Variants in GNB5 observed in about 807,000 individuals in gnomAD.
The protein encoded by GNB5 is guanine nucleotide-binding protein subunit beta-5.
In GNB5, 37 loss-of-function variants were observed where a neutral mutation model predicts 55.3. The ratio of observed to expected loss-of-function variants is 0.67; its 90% CI spans 0.51 to 0.88. The LOEUF is 0.88. Among genes scored for constraint, GNB5 ranks in the 40% least tolerant of loss-of-function variants. The pLI is 0.00. For synonymous variants in GNB5, 219 were observed against 198.5 expected, an observed-to-expected ratio of 1.10 and a Z score of -0.87; for missense variants, 476 against 515.3, an observed-to-expected ratio of 0.92 and a Z score of 0.74.
At chr15:52,147,581 T>TA in intron 5 of GNB5, 46 bp from the exon 6 acceptor site, 1 of 1,009,380 alleles carries the variant, frequency 9.9e-7, no homozygotes, top group Non-Finnish European at 1.5e-6. Flanking sequence ...CACACAAAAA[T>TA]CTTTTTTTTT....
At chr15:52,148,676 G>A (rs144500000) in intron 5 of GNB5, among the ~76,000 whole-genome samples, 2 of 152,326 alleles carry the variant, frequency 1.3e-5, no homozygotes, top group East Asian at 3.9e-4. Context: ...ACATTCAAGT[G>A]CTGGTCTTCT....
Position 52,117,102 on chromosome 15 carries a change from A to ATATATATTTTTTT in GNB5, c.*5654_*5655insAAAAAAATATATA. The ATATATATTTTTTT allele has an allele frequency of 3.8e-3, 335 of 87,092 alleles. 36 individuals carry two copies. Among genetic ancestry groups the ATATATATTTTTTT allele is most frequent in the African/African-American group, 0.02 (327 of 16,438 alleles). 5.4% of individuals were successfully genotyped at this position (87,092 alleles called of 1,614,324 possible). A position where few individuals can be genotyped will look rare whatever the true frequency, so the allele number is the denominator to read the frequency against. ...CCACGCCCAGCTAATATATATATAT[A>ATATATATTTTTTT]TTTTTTTTTAGTACAGACAGGGTTT... On this transcript the variant is annotated 3_prime_UTR_variant, in exon 13 of 13. Transcript: ENST00000261837.
intron 7 of GNB5, chr15:52,137,992 A>G (rs1204398962): frequency 7.8e-7 from 1 of 1,278,924 alleles, no homozygotes; most frequent in Non-Finnish European, 1.0e-6. Flanking sequence ...CTAGCATGCA[A>G]TGCAACCACT....
rs1407192037 is a variant in GNB5 at position 52,159,968 on chromosome 15, G to C, written c.239-5892C>G. Among the ~76,000 whole-genome samples the C allele has an allele frequency of 2.0e-5, 3 of 149,660 alleles. No homozygotes were observed. In the South Asian group the frequency reaches 6.3e-4, roughly 31 times the overall value. On this transcript the variant is annotated intron_variant, in intron 3 of 12. Transcript: ENST00000261837. ...ATTAGCTTCTTTTTTTTTTTTTTGA[G>C]ATGGAGTCTCACTCTGTTGCCTAGG...
chr15:52,141,976 T>C (rs1185088636), intron 6 of GNB5, among the ~76,000 whole-genome samples: 1 of 152,254 alleles, frequency 6.6e-6, no homozygotes, highest in African/African-American at 2.4e-5. Flanking sequence ...AGACACTACC[T>C]ACTGTTTGTT....
At chr15:52,153,132 A>G (rs2034135610) in intron 4 of GNB5, among the ~76,000 whole-genome samples, 2 of 152,206 alleles carry the variant, frequency 1.3e-5, no homozygotes, top group African/African-American at 4.8e-5. Flanking sequence ...AACAGGAGCA[A>G]TGGACTGTCA....
chr15:52,132,062 A>G (rs536764253), intron 9 of GNB5, among the ~76,000 whole-genome samples: 1 of 152,238 alleles, frequency 6.6e-6, no homozygotes, highest in African/African-American at 2.4e-5. Flanking sequence ...GCCCTCGATA[A>G]AAGATGTGGG....
chr15:52,185,755 T>TTTA (rs59573946), intron 1 of GNB5, among the ~76,000 whole-genome samples: 2 of 95,976 alleles, frequency 2.1e-5, no homozygotes, highest in African/African-American at 1.2e-4. Flanking sequence ...TTCATCTTTT[T>TTTA]ATTATTATTA....
At chr15:52,134,466 C>G (rs539299754) in intron 8 of GNB5, among the ~76,000 whole-genome samples, 2 of 152,286 alleles carry the variant, frequency 1.3e-5, no homozygotes, top group South Asian at 4.1e-4. Flanking sequence ...AAGGCCTTCA[C>G]ATCTTTAGAG....
At chr15:52,187,592 T>G (rs2034863421) in intron 1 of GNB5, among the ~76,000 whole-genome samples, 1 of 152,310 alleles carries the variant, frequency 6.6e-6, no homozygotes, top group African/African-American at 2.4e-5. Context: ...AATGTTTTTC[T>G]TCTCAAACTA....
chr15:52,179,710 G>T (rs2034728730), intron 3 of GNB5, 58 bp downstream of exon 3: 2 of 335,192 alleles, frequency 6.0e-6, no homozygotes, highest in Non-Finnish European at 1.0e-5. Flanking sequence ...CGCCGTCCCC[G>T]CCCGGGAAGT....
chr15:52,147,247 C>A (rs2033996625), intron 6 of GNB5: 2 of 446,146 alleles, frequency 4.5e-6, no homozygotes, highest in Non-Finnish European at 8.1e-6. Flanking sequence ...AAGTGATCCT[C>A]CCACCTCAGC....
intron 7 of GNB5, chr15:52,137,364 G>A (rs2033748771): frequency 5.8e-6 from 6 of 1,041,870 alleles, no homozygotes; most frequent in Non-Finnish European, 6.9e-6. Flanking sequence ...AAGAGTGAGA[G>A]CTGGCCAGGT....
chr15:52,125,998 G>A lies in GNB5; in HGVS notation c.959C>T (p.Ser320Phe), dbSNP rs1171339936. 2 of 1,589,500 alleles carry A rather than the reference G, an allele frequency of 1.3e-6. No individual in the cohort carries two copies. The highest frequency in any genetic ancestry group is 1.1e-5 in the South Asian group (1 of 89,288). The change falls in exon 11 of 13, where the codon TCC becomes TTC. Residue 320 changes from serine (S) to phenylalanine (F), a missense_variant. Coordinates refer to ENST00000261837, the MANE Select transcript of GNB5 (RefSeq NM_016194.4). ...LRADREVAIY[S>F]KESIIFGASS... The stretch of plus-strand genomic sequence containing the variant: ...TGCTCCAAATATGATGCTTTCTTTG[G>A]AATAGATGGCAACCTCCCTATCTGC...
intron 3 of GNB5, among the ~76,000 whole-genome samples, chr15:52,164,863 A>G (rs1031950724): frequency 6.6e-6 from 1 of 152,156 alleles, no homozygotes; most frequent in Non-Finnish European, 1.5e-5. Flanking sequence ...AGGCTGAGAT[A>G]GAGGAAGTGA....
At chr15:52,161,035 T>A (rs1207598177) in intron 3 of GNB5, among the ~76,000 whole-genome samples, 1 of 152,216 alleles carries the variant, frequency 6.6e-6, no homozygotes, top group African/African-American at 2.4e-5. Flanking sequence ...GTGTGTCTCC[T>A]GGGTGACGGG....
intron 3 of GNB5, among the ~76,000 whole-genome samples, chr15:52,174,989 C>T (rs909390361): frequency 1.3e-5 from 2 of 152,122 alleles, no homozygotes; most frequent in African/African-American, 2.4e-5. Context: ...AGGAGAATTG[C>T]TTGAACCTGG....
intron 6 of GNB5, among the ~76,000 whole-genome samples, chr15:52,141,975 C>G (rs1225130854): frequency 6.6e-6 from 1 of 152,156 alleles, no homozygotes; most frequent in Non-Finnish European, 1.5e-5. Context: ...CAGACACTAC[C>G]TACTGTTTGT....
chr15:52,145,604 C>G (rs1458255125), intron 6 of GNB5, among the ~76,000 whole-genome samples: 1 of 152,112 alleles, frequency 6.6e-6, no homozygotes, highest in Non-Finnish European at 1.5e-5. Flanking sequence ...GAGATCATGC[C>G]ACTGCACTCC....
Sources: gnomAD v4.1 joint callset for allele counts (sites outside exome capture counted in the v4.1 genomes callset) on GRCh38, gnomAD v4.1.1 for gene constraint, MANE v1.5 for transcripts, NCBI Gene and HGNC (gene_info 2026-07-23, HGNC 2026-07-21) for gene names.